Variants in AGBL3 observed in about 807,000 individuals in gnomAD.
The protein encoded by AGBL3 is cytosolic carboxypeptidase 3.
AGBL3 carries 68 observed loss-of-function variants against 94.5 expected under a neutral mutation model. The observed-to-expected ratio is 0.72, with a 90% CI of 0.59 to 0.88. The LOEUF (loss-of-function observed/expected upper bound fraction) is 0.88. Ranked by LOEUF, AGBL3 falls within the 40% of genes least tolerant of loss-of-function variation. The pLI is 0.00. For synonymous variants in AGBL3, 354 were observed against 370.7 expected (o/e 0.95, Z 0.52); for missense variants, 934 against 1,103.8 (o/e 0.85, Z 2.18).
intron 11 of AGBL3, among the ~76,000 whole-genome samples, chr7:135,054,645 C>CA (rs1192177254): frequency 4.0e-5 from 6 of 151,694 alleles, no homozygotes; most frequent in African/African-American, 1.2e-4. Context: ...GTTTCTTAGC[C>CA]AAAAAAGGAA....
chr7:135,013,025 AAC>A (rs2133471164), intron 4 of AGBL3, among the ~76,000 whole-genome samples: 1 of 152,336 alleles, frequency 6.6e-6, no homozygotes, highest in South Asian at 2.1e-4. Flanking sequence ...AAATATTCCC[AAC>A]ACATATATGA....
At chr7:135,128,159 G>T (rs1828159690) in intron 16 of AGBL3, among the ~76,000 whole-genome samples, 1 of 151,836 alleles carries the variant, frequency 6.6e-6, no homozygotes, top group Non-Finnish European at 1.5e-5. Flanking sequence ...AGGTGTGGTG[G>T]TGAGTGCCTG....
chr7:135,121,803 G>A (rs1827170921), intron 16 of AGBL3, among the ~76,000 whole-genome samples: 1 of 152,136 alleles, frequency 6.6e-6, no homozygotes, highest in South Asian at 2.1e-4. Flanking sequence ...GCCACACAGG[G>A]CAGGAGAGCA....
intron 15 of AGBL3, chr7:135,094,271 T>C (rs1279480900): frequency 2.2e-5 from 9 of 405,214 alleles, no homozygotes; most frequent in Non-Finnish European, 4.4e-5. Flanking sequence ...AAACTAAAAA[T>C]CAGCAACTTA....
At chr7:134,988,029 A>G in intron 2 of AGBL3, 33 bp downstream of exon 2, 1 of 1,451,716 alleles carries the variant, frequency 6.9e-7, no homozygotes. Flanking sequence ...TTACTTGGAG[A>G]TAAAATTTGT....
chr7:135,100,204 A>C (rs576079929), intron 15 of AGBL3: 3 of 152,180 alleles, frequency 2.0e-5, no homozygotes, highest in Non-Finnish European at 4.4e-5. Context: ...AAAAAAAAAA[A>C]AAACACTGGT....
At chr7:135,063,311 T>C (rs1028766263) in intron 12 of AGBL3, among the ~76,000 whole-genome samples, 10 of 152,232 alleles carry the variant, frequency 6.6e-5, no homozygotes, top group Admixed American at 4.6e-4. Context: ...ACCATTTCAT[T>C]GGTCTTTCCT....
chr7:134,998,765 T>C (rs1187678852), intron 4 of AGBL3, among the ~76,000 whole-genome samples: 1 of 152,148 alleles, frequency 6.6e-6, no homozygotes, highest in African/African-American at 2.4e-5. Flanking sequence ...GGTTGAAAGG[T>C]AAGTTTCTTG....
In AGBL3 at chr7:135,024,996, T is replaced by C. The variant is rs540659346; in HGVS notation, c.418+7837T>C. 9.8e-4 allele frequency among the ~76,000 whole-genome samples: 148 copies of C among 151,646 alleles called. 15 individuals are homozygous for C. The South Asian group carries it at 0.029, about 30-fold the overall frequency. On this transcript the variant is annotated intron_variant, in intron 5 of 16. Coordinates refer to ENST00000436302, the MANE Select transcript of AGBL3 (RefSeq NM_178563.4). ...GTAAAGATTCCAAACCTATGACCCA[T>C]TGGCATTCCTGAGAGGGAAGGAGAG... is the stretch of plus-strand genomic sequence containing the variant.
intron 3 of AGBL3, among the ~76,000 whole-genome samples, chr7:134,989,826 C>CT (rs560118999): frequency 1.7e-4 from 25 of 147,256 alleles, no homozygotes; most frequent in East Asian, 4.0e-4. Flanking sequence ...AGGCCTTTAT[C>CT]TTTTTTTTTT....
At chr7:135,068,127 A>C (rs1563233332) in intron 12 of AGBL3, among the ~76,000 whole-genome samples, 1 of 152,244 alleles carries the variant, frequency 6.6e-6, no homozygotes, top group Admixed American at 6.5e-5. Context: ...ACTGGAAGAA[A>C]GGGTATCAGT....
At chr7:135,076,572 G>C in intron 13 of AGBL3, 104 bp downstream of exon 13, 2 of 898,522 alleles carry the variant, frequency 2.2e-6, no homozygotes, top group Non-Finnish European at 3.4e-6. Context: ...TCCCCCAGGA[G>C]AAGTTAAAAT....
intron 3 of AGBL3, 98 bp downstream of exon 3, chr7:134,989,408 A>G: frequency 1.2e-6 from 1 of 822,194 alleles, no homozygotes; most frequent in Non-Finnish European, 1.9e-6. Context: ...TAATATAGGG[A>G]ATGATTATTC....
chr7:135,085,028 A>T (rs1821221791), intron 15 of AGBL3, among the ~76,000 whole-genome samples: 1 of 152,080 alleles, frequency 6.6e-6, no homozygotes. Flanking sequence ...CTTTTTGATA[A>T]TAGCTATTCT....
At chr7:135,027,883 C>T (rs1815320670) in intron 5 of AGBL3, among the ~76,000 whole-genome samples, 1 of 151,478 alleles carries the variant, frequency 6.6e-6, no homozygotes, top group African/African-American at 2.4e-5. Flanking sequence ...AAGAATTCAG[C>T]CATAATTTAT....
rs113816516 is a variant in AGBL3, at chr7:135,047,423, T to C, written c.1841+1512T>C. ...GTAAGACTGCTGGATCATATGGCAG[T>C]TCTGTTTTTAGACTTTCTGAGGAAC... On this transcript the variant is annotated intron_variant, in intron 11 of 16. Coordinates refer to ENST00000436302, the MANE Select transcript of AGBL3 (RefSeq NM_178563.4). Among the ~76,000 whole-genome samples the C allele has an allele frequency of 1.3e-3, 198 of 152,126 alleles. 4 individuals are homozygous for C. The highest frequency in any genetic ancestry group is 4.6e-3 in the African/African-American group (193 of 41,546).
chr7:135,115,290 T>G, intron 15 of AGBL3, 90 bp from the exon 16 acceptor site: 1 of 825,548 alleles, frequency 1.2e-6, no homozygotes, highest in Non-Finnish European at 1.9e-6. Flanking sequence ...CAAGGAATTT[T>G]AGATAAAATC....
chr7:135,021,727 T>G (rs574805408), intron 5 of AGBL3, among the ~76,000 whole-genome samples: 2 of 152,050 alleles, frequency 1.3e-5, no homozygotes, highest in Admixed American at 1.3e-4. Context: ...CAGGTATCTG[T>G]GTGCCATGGT....
intron 8 of AGBL3, among the ~76,000 whole-genome samples, chr7:135,038,304 G>C (rs762724373): frequency 3.9e-5 from 6 of 152,132 alleles, no homozygotes; most frequent in Non-Finnish European, 5.9e-5. Flanking sequence ...GATAAAAATA[G>C]CTATTTAAAG....
Sources: allele counts gnomAD v4.1 joint callset (sites outside exome capture counted in the v4.1 genomes callset), GRCh38; gene constraint gnomAD v4.1.1; transcripts MANE v1.5; gene names NCBI Gene and HGNC (gene_info 2026-07-23, HGNC 2026-07-21).